MOXD1: variants seen among roughly 807,000 people sequenced by gnomAD.
The protein encoded by MOXD1 is DBH-like monooxygenase protein 1.
MOXD1 carries 62 observed loss-of-function variants against 66.6 expected under a neutral mutation model. That is an observed-to-expected ratio of 0.93 (90% confidence interval 0.76 to 1.15). The LOEUF is 1.15. MOXD1 is among the 50% of genes most tolerant of loss of function. The pLI is 0.00. For synonymous variants in MOXD1, 303 were observed against 281.9 expected, an observed-to-expected ratio of 1.07 and a Z score of -0.75; for missense variants, 847 against 754.6, an observed-to-expected ratio of 1.12 and a Z score of -1.44.
chr6:132,359,277 T>G lies in MOXD1; in HGVS notation c.663+13331A>C, dbSNP rs556732701. 2.0e-3 allele frequency among the ~76,000 whole-genome samples: 305 copies of G among 152,060 alleles called. 2 individuals carry two copies. The highest frequency in any genetic ancestry group is 7.1e-3 in the African/African-American group (296 of 41,490). On this transcript the variant is annotated intron_variant, in intron 4 of 11. Coordinates refer to ENST00000367963, the MANE Select transcript of MOXD1 (RefSeq NM_015529.4). Reference sequence around the variant, plus strand: ...TGGTACCAGCTAAATTTTTTAAATTTTTCTTTAGAGACAAGAACTCCCTCC... The same window carrying G: ...TGGTACCAGCTAAATTTTTTAAATTGTTCTTTAGAGACAAGAACTCCCTCC...
At chr6:132,394,767 A>G (rs560749653) in intron 1 of MOXD1, among the ~76,000 whole-genome samples, 1 of 152,156 alleles carries the variant, frequency 6.6e-6, no homozygotes, top group Non-Finnish European at 1.5e-5. Flanking sequence ...CTCAGACAAA[A>G]ATAAATTAAA....
chr6:132,341,280 C>T (rs541809901), intron 4 of MOXD1, among the ~76,000 whole-genome samples: 10 of 152,272 alleles, frequency 6.6e-5, no homozygotes, highest in Non-Finnish European at 1.3e-4. Flanking sequence ...AACAAGGTGC[C>T]ATCTTGGAAT....
chr6:132,308,590 T>C (rs1774749830), intron 10 of MOXD1, among the ~76,000 whole-genome samples: 1 of 152,152 alleles, frequency 6.6e-6, no homozygotes, highest in East Asian at 1.9e-4. Context: ...CAGGCCAATA[T>C]TCCTTATGAA....
intron 1 of MOXD1, among the ~76,000 whole-genome samples, chr6:132,375,578 G>GAGTACCTGGGACCACAGGTGCCCACCA (rs1776363295): frequency 6.6e-6 from 1 of 152,132 alleles, no homozygotes; most frequent in Non-Finnish European, 1.5e-5. Flanking sequence ...GGTGCCCACC[G>GAGTACCTGGGACCACAGGTGCCCACCA]CCACGCCTGG....
At chr6:132,323,505 T>A (rs996809968) in intron 7 of MOXD1, among the ~76,000 whole-genome samples, 1 of 152,106 alleles carries the variant, frequency 6.6e-6, no homozygotes, top group Non-Finnish European at 1.5e-5. Context: ...TCCTATATAT[T>A]TTTTTATATT....
chr6:132,297,261 A>C lies in MOXD1; in HGVS notation c.1734T>G (p.Pro578=). The part of the protein sequence containing the change: ...PDIERPYKAE[P]LVCGTSSSSS... ...AGGAAGAAGACGTGCCACACACCAA[A>C]GGTTCTGCTTTATAGGGTCTTTCTA... is the stretch of plus-strand genomic sequence containing the variant. The change falls in exon 12 of 12, where the codon CCT becomes CCG. Residue 578 remains proline, a synonymous_variant. Transcript: ENST00000367963. 6.2e-7 allele frequency: 1 copy of C among 1,613,598 alleles called. No individual in the cohort carries two copies. The highest frequency in any genetic ancestry group is 1.3e-5 in the African/African-American group (1 of 75,016).
At chr6:132,348,097 G>GT (rs1260245007) in intron 4 of MOXD1, among the ~76,000 whole-genome samples, 2 of 152,224 alleles carry the variant, frequency 1.3e-5, no homozygotes, top group African/African-American at 4.8e-5. Context: ...TAGTAAAGAG[G>GT]TTCACACTGA....
At chr6:132,384,989 C>T (rs1776596957) in intron 1 of MOXD1, among the ~76,000 whole-genome samples, 1 of 152,110 alleles carries the variant, frequency 6.6e-6, no homozygotes, top group South Asian at 2.1e-4. Flanking sequence ...CCTGCAGGTT[C>T]AAGCTTGAGT....
At chr6:132,400,686 G>A (rs1207602441) in intron 1 of MOXD1, among the ~76,000 whole-genome samples, 2 of 151,914 alleles carry the variant, frequency 1.3e-5, no homozygotes, top group African/African-American at 2.4e-5. Context: ...CATCAGCCCC[G>A]CGCCTGGAGG....
intron 1 of MOXD1, among the ~76,000 whole-genome samples, chr6:132,388,379 C>G (rs1271091265): frequency 6.6e-6 from 1 of 151,410 alleles, no homozygotes; most frequent in Non-Finnish European, 1.5e-5. Context: ...GGGATTCACA[C>G]CCCGTCTAGA....
In MOXD1 at chr6:132,305,595, C is replaced by A. The variant is rs190100861; in HGVS notation, c.1509-7640G>T. 1.8e-3 allele frequency among the ~76,000 whole-genome samples: 267 copies of A among 152,300 alleles called. 1 individual carries two copies. The highest frequency in any genetic ancestry group is 2.8e-3 in the Non-Finnish European group (190 of 68,032). ...TCAATAGGGGTTGTACAGGAATAAT[C>A]CTACTAGCATCAGGTTGGTGCTCCT... is the stretch of plus-strand genomic sequence containing the variant. On this transcript the variant is annotated intron_variant, in intron 10 of 11. Transcript: ENST00000367963.
At position 132,380,048 on chromosome 6, in the gene MOXD1, G is replaced by A. The variant is rs143513668; in HGVS notation, c.265-5271C>T. ...ATCACAGGTGTAAGCCACCATGCCC[G>A]GCCTGTAGTTTTCTTTAACTTCTTT... On this transcript the variant is annotated intron_variant, in intron 1 of 11. Coordinates refer to ENST00000367963, the MANE Select transcript of MOXD1 (RefSeq NM_015529.4). Among the ~76,000 whole-genome samples, 710 of 152,140 alleles carry A rather than the reference G, an allele frequency of 4.7e-3. 2 individuals are homozygous for A. The highest frequency in any genetic ancestry group is 0.013 in the African/African-American group (546 of 41,514).
chr6:132,328,971 T>G (rs1183112116), intron 4 of MOXD1, among the ~76,000 whole-genome samples: 1 of 152,168 alleles, frequency 6.6e-6, no homozygotes, highest in African/African-American at 2.4e-5. Context: ...TTTTTTAAAT[T>G]TTTATTATTA....
rs532834324 is a variant in MOXD1, at chr6:132,305,098, C to T, written c.1509-7143G>A. On this transcript the variant is annotated intron_variant, in intron 10 of 11. Transcript: ENST00000367963. ...CAGCAGCCAGCACTAGGACTCGCAA[C>T]TGCCTAACGTACTAAGCTCCCTGGG... Among the ~76,000 whole-genome samples, 15 of 152,342 alleles carry T rather than the reference C, an allele frequency of 9.8e-5. No individual in the cohort carries two copies. The South Asian group carries it at 3.1e-3, about 32-fold the overall frequency.
In MOXD1 at chr6:132,354,100, G is replaced by A. The variant is rs150649226; in HGVS notation, c.663+18508C>T. Among the ~76,000 whole-genome samples the A allele has an allele frequency of 3.4e-3, 521 of 151,908 alleles. 6 individuals are homozygous for A. The highest frequency in any genetic ancestry group is 0.012 in the African/African-American group (496 of 41,400). On this transcript the variant is annotated intron_variant, in intron 4 of 11. Transcript: ENST00000367963. ...TGTTTTTTGGATTTTCTTGCCTTTC[G>A]CTGGTGTCTCCCTGATTAGCTTAAT...
At chr6:132,388,707 C>A (rs1776698332) in intron 1 of MOXD1, among the ~76,000 whole-genome samples, 1 of 151,150 alleles carries the variant, frequency 6.6e-6, no homozygotes, top group Admixed American at 6.6e-5. Context: ...AAAAGGGGGT[C>A]CATTTTGTTA....
intron 3 of MOXD1, 28 bp downstream of exon 3, chr6:132,372,802 T>C (rs2114662171): frequency 6.2e-7 from 1 of 1,612,068 alleles, no homozygotes; most frequent in Non-Finnish European, 8.5e-7. Flanking sequence ...AGCCCATCCC[T>C]ACAATCATAA....
chr6:132,373,044 C>G, intron 2 of MOXD1, 47 bp from the exon 3 acceptor site: 1 of 1,525,192 alleles, frequency 6.6e-7, no homozygotes, highest in East Asian at 2.3e-5. Flanking sequence ...GAGCACTTTC[C>G]TTACCACTGA....
chr6:132,307,836 C>T (rs149133973), intron 10 of MOXD1, among the ~76,000 whole-genome samples: 4,564 of 152,142 alleles, frequency 0.03, 227 homozygotes, highest in African/African-American at 0.1. Flanking sequence ...AAAGAGACAA[C>T]GTACCAGAAT....
Sources: allele counts gnomAD v4.1 joint callset (sites outside exome capture counted in the v4.1 genomes callset), GRCh38; gene constraint gnomAD v4.1.1; transcripts MANE v1.5; gene names NCBI Gene and HGNC (gene_info 2026-07-23, HGNC 2026-07-21).